UGGT1: variants seen among roughly 807,000 people sequenced by gnomAD.
UGGT1 encodes UDP-glucose glycoprotein glucosyltransferase 1.
UGGT1 carries 107 observed loss-of-function variants against 203.9 expected under a neutral mutation model. The observed-to-expected ratio is 0.52, with a 90% CI of 0.45 to 0.62. The LOEUF (loss-of-function observed/expected upper bound fraction) is 0.62. Among genes scored for constraint, UGGT1 ranks in the 20% least tolerant of loss-of-function variants. The probability of loss-of-function intolerance (pLI) is 0.00; values close to 1 mark genes in which losing one functional copy is unlikely to be tolerated. For synonymous variants in UGGT1, 628 were observed against 653.5 expected (o/e 0.96, Z 0.59); for missense variants, 1,673 against 1,867.2 (o/e 0.90, Z 1.92).
chr2:128,106,110 C>CTTT (rs66611494), intron 3 of UGGT1, among the ~76,000 whole-genome samples: 2 of 101,386 alleles, frequency 2.0e-5, no homozygotes, highest in Admixed American at 9.9e-5. Context: ...CAGCCTGAAT[C>CTTT]TTTTTTTTTT....
rs757833629 is a variant in UGGT1, at chr2:128,176,407, CAAAAAAAAA to C, written c.3540-391_3540-383del. ...AGGGCAACAGAGCAAAACTCTGTCT[CAAAAAAAAA>C]AAAAAAAAAAAAAAAGAGCGGAGGC... is the stretch of plus-strand genomic sequence containing the variant. On this transcript the variant is annotated intron_variant, in intron 31 of 40. Transcript: ENST00000259253. 3.3e-3 allele frequency among the ~76,000 whole-genome samples: 235 copies of C among 70,200 alleles called. 1 individual carries two copies. The highest frequency in any genetic ancestry group is 6.4e-3 in the South Asian group (11 of 1,732). The allele number at this position is 70,200 out of a possible 152,430, so 46.1% of individuals were successfully genotyped here. A position where few individuals can be genotyped will look rare whatever the true frequency, so the allele number is the denominator to read the frequency against.
In UGGT1 at chr2:128,107,943, G is replaced by A. The variant is rs374148816; in HGVS notation, c.283G>A (p.Asp95Asn). The change falls in exon 4 of 41, where the codon GAT becomes AAT. Residue 95 changes from aspartate (D) to asparagine (N), a missense_variant. This residue lies in a region of UGGT1 where 1,073 missense variants were observed against 1,078.7 expected (regional missense o/e 0.99). Transcript: ENST00000259253. ...NIGSSDHDGT[D>N]YSYYHAILEA... The stretch of plus-strand genomic sequence containing the variant: ...TTAATGTTCTTCCTTGACAGGTACC[G>A]ATTATTCCTACTATCATGCAATATT... 6.2e-6 allele frequency: 10 copies of A among 1,613,966 alleles called. No individual in the cohort carries two copies. Among genetic ancestry groups the A allele is most frequent in the East Asian group, 4.5e-5 (2 of 44,890 alleles).
intron 17 of UGGT1, among the ~76,000 whole-genome samples, chr2:128,144,781 C>T (rs573603958): frequency 5.9e-5 from 9 of 152,280 alleles, no homozygotes; most frequent in South Asian, 2.1e-4. Context: ...ACCGATGACT[C>T]GGATTAGTTA....
rs1164584873 is a variant in UGGT1, at chr2:128,179,842, T to C, written c.3872T>C (p.Leu1291Ser). ...NTKTPVKFWF[L>S]KNYLSPTFKE... The stretch of plus-strand genomic sequence containing the variant: ...AAGACTCCTGTGAAATTCTGGTTCT[T>C]GAAGAATTACTTGTCCCCCACATTT... The change falls in exon 35 of 41, where the codon TTG (leucine) becomes TCG (serine). Residue 1291 changes from leucine (L) to serine (S), a missense_variant. Leu to Ser is a moderately radical substitution (Grantham distance 145). Transcript: ENST00000259253. The C allele has an allele frequency of 6.2e-7, 1 of 1,614,054 alleles. No individual in the cohort carries two copies. The highest frequency in any genetic ancestry group is 8.5e-7 in the Non-Finnish European group (1 of 1,179,956).
chr2:128,100,131 G>A (rs572866193), intron 2 of UGGT1, among the ~76,000 whole-genome samples: 1 of 147,206 alleles, frequency 6.8e-6, no homozygotes, highest in South Asian at 2.2e-4. Flanking sequence ...CCAGGTTCAA[G>A]CCCATTCTCA....
chr2:128,157,258 C>A lies in UGGT1; in HGVS notation c.2267C>A (p.Ser756Tyr), dbSNP rs1690281986. ...GMSSKEIYDD[S>Y]FIRPVTFWIV... is the part of the protein sequence containing the mutation. ...TGTTTTTGTTTTTCTACAGATGATT[C>A]TTTTATTAGGCCAGTAACTTTTTGG... The change falls in exon 22 of 41, where the codon TCT (serine) becomes TAT (tyrosine). Residue 756 changes from serine to tyrosine, a missense_variant. Transcript: ENST00000259253. 1.9e-6 allele frequency: 3 copies of A among 1,613,598 alleles called. No individual in the cohort carries two copies. Among genetic ancestry groups the A allele is most frequent in the African/African-American group, 2.7e-5 (2 of 74,914 alleles).
intron 39 of UGGT1, 30 bp from the exon 40 acceptor site, chr2:128,187,419 C>A (rs1443436285): frequency 1.2e-6 from 2 of 1,602,122 alleles, no homozygotes; most frequent in South Asian, 2.2e-5. Context: ...TTCTTCAACT[C>A]AGCTGAAGTG....
In UGGT1 at chr2:128,178,513, T is replaced by A; in HGVS notation, c.3759T>A (p.Asp1253Glu). The A allele has an allele frequency of 6.2e-7, 1 of 1,613,910 alleles. No individual in the cohort carries two copies. Among genetic ancestry groups the A allele is most frequent in the Non-Finnish European group, 8.5e-7 (1 of 1,180,014 alleles). ...QKTEEVKQDK[D>E]DIINIFSVAS... ...CTGAGGAAGTGAAGCAAGATAAAGATGACATAATTAATATTTTCTCCGTTG... is the reference window on the plus strand; with the variant it reads ...CTGAGGAAGTGAAGCAAGATAAAGAAGACATAATTAATATTTTCTCCGTTG... Residue 1253 changes from aspartate to glutamate, a missense_variant, in exon 34 of 41, where the codon GAT becomes GAA. Asp to Glu is a conservative substitution (Grantham distance 45, BLOSUM62 2). Coordinates refer to ENST00000259253, the MANE Select transcript of UGGT1 (RefSeq NM_020120.4).
intron 18 of UGGT1, among the ~76,000 whole-genome samples, chr2:128,146,888 G>A (rs923064676): frequency 1.3e-5 from 2 of 152,164 alleles, no homozygotes; most frequent in Non-Finnish European, 2.9e-5. Flanking sequence ...ATAGCTTGTT[G>A]CTCAGAACCC....
chr2:128,133,933 C>T (rs994944954), intron 14 of UGGT1, among the ~76,000 whole-genome samples: 5 of 152,172 alleles, frequency 3.3e-5, no homozygotes, highest in African/African-American at 1.2e-4. Context: ...TCCCTTCCCT[C>T]ACACAGCCGG....
chr2:128,182,331 C>A, intron 37 of UGGT1, 41 bp downstream of exon 37: 1 of 1,553,496 alleles, frequency 6.4e-7, no homozygotes, highest in Non-Finnish European at 8.7e-7. Flanking sequence ...ACGGGGTTTT[C>A]CTTAAAATTG....
At chr2:128,116,398 G>C in intron 8 of UGGT1, 55 bp downstream of exon 8, 2 of 1,153,362 alleles carry the variant, frequency 1.7e-6, no homozygotes, top group Non-Finnish European at 2.6e-6. Flanking sequence ...AAGCCTCCAG[G>C]CTTTCTTGCA....
Position 128,179,888 on chromosome 2 carries a change from A to G in UGGT1, c.3900+18A>G. 1.3e-6 allele frequency: 2 copies of G among 1,595,150 alleles called. No homozygotes were observed. Among genetic ancestry groups the G allele is most frequent in the Non-Finnish European group, 1.7e-6 (2 of 1,163,484 alleles). On this transcript the variant is annotated intron_variant, in intron 35 of 40. Coordinates refer to ENST00000259253, the MANE Select transcript of UGGT1 (RefSeq NM_020120.4). ...CATTTAAGGTTTGTTTCACAGAGAAAGGGAAAACATTCTTATTAAGGAGAT... is the reference window on the plus strand; with the variant it reads ...CATTTAAGGTTTGTTTCACAGAGAAGGGGAAAACATTCTTATTAAGGAGAT...
chr2:128,119,226 A>C (rs1306852005), intron 8 of UGGT1, among the ~76,000 whole-genome samples: 1 of 152,182 alleles, frequency 6.6e-6, no homozygotes, highest in East Asian at 1.9e-4. Context: ...AGGCTGTAGT[A>C]ACTGACAGGA....
chr2:128,191,448 A>G lies in UGGT1; in HGVS notation c.*1706A>G, dbSNP rs1178214253. The G allele has an allele frequency of 3.3e-5, 5 of 152,272 alleles. No individual in the cohort carries two copies. 9.4% of individuals were successfully genotyped at this position (152,272 alleles called of 1,614,324 possible). ...TAAGAAGAGGAAAGCTCAAAAGAGG[A>G]TAAGAGACTGAAAAGGCACCTCAGA... On this transcript the variant is annotated 3_prime_UTR_variant, in exon 41 of 41. Coordinates refer to ENST00000259253, the MANE Select transcript of UGGT1 (RefSeq NM_020120.4).
intron 27 of UGGT1, 83 bp downstream of exon 27, chr2:128,170,473 CT>C: frequency 1.7e-6 from 2 of 1,190,628 alleles, no homozygotes; most frequent in Non-Finnish European, 1.2e-6. Flanking sequence ...CTTCGTTTTC[CT>C]TGAGTTGCCT....
rs1688369269 is a variant in UGGT1 at position 128,121,306 on chromosome 2, A to G, written c.1073+8A>G. Reference sequence around the variant, plus strand: ...TTTTCCTACCAAAGCCAGGTAATGTAGAATAATGCTCTTCTCCTTAACATC... The same window carrying G: ...TTTTCCTACCAAAGCCAGGTAATGTGGAATAATGCTCTTCTCCTTAACATC... On this transcript the variant is annotated splice_region_variant and intron_variant, in intron 10 of 40. Coordinates refer to ENST00000259253, the MANE Select transcript of UGGT1 (RefSeq NM_020120.4). 1.3e-6 allele frequency: 2 copies of G among 1,593,780 alleles called. No individual in the cohort carries two copies. Among genetic ancestry groups the G allele is most frequent in the South Asian group, 1.1e-5 (1 of 88,662 alleles).
rs1329136852 is a variant in UGGT1, at chr2:128,172,770, C to A, written c.3294+8C>A. The A allele has an allele frequency of 6.2e-7, 1 of 1,609,558 alleles. No individual in the cohort carries two copies. The highest frequency in any genetic ancestry group is 1.1e-5 in the South Asian group (1 of 90,856). On this transcript the variant is annotated splice_region_variant and intron_variant, in intron 29 of 40. Transcript: ENST00000259253. ...AATATTTATTTAGAAGAGGTAAGAC[C>A]ATATCTATTGCTTCCAAATACCTAA...
intron 14 of UGGT1, 143 bp downstream of exon 14, chr2:128,133,403 CTGGAAAGGCTTTGTAG>C: frequency 8.6e-7 from 1 of 1,168,576 alleles, no homozygotes. Flanking sequence ...CCTGTTCACA[CTGGAAAGGCTTTGTAG>C]TGTACTGACC....
Sources: allele counts gnomAD v4.1 joint callset (sites outside exome capture counted in the v4.1 genomes callset), GRCh38; gene constraint gnomAD v4.1.1; regional missense constraint gnomAD v4.1.1; transcripts MANE v1.5; gene names NCBI Gene and HGNC (gene_info 2026-07-23, HGNC 2026-07-21).